LRRN3: variants seen among roughly 807,000 people sequenced by gnomAD.
LRRN3 encodes the protein leucine rich repeat neuronal 3, also known as leucine-rich repeat neuronal protein 3.
LRRN3 carries 15 observed loss-of-function variants against 40.1 expected under a neutral mutation model. The ratio of observed to expected loss-of-function variants is 0.37; its 90% CI spans 0.25 to 0.58. The LOEUF (loss-of-function observed/expected upper bound fraction) is 0.58. LRRN3 is among the 20% of genes least tolerant of loss of function. The pLI is 0.72. For missense variants in LRRN3, 746 were observed against 837.7 expected (o/e 0.89, Z 1.35); for synonymous variants, 308 against 297.2 (o/e 1.04, Z -0.37).
At chr7:111,118,728 A>T (rs1049042941) in intron 2 of LRRN3, among the ~76,000 whole-genome samples, 1 of 152,146 alleles carries the variant, frequency 6.6e-6, no homozygotes, top group Non-Finnish European at 1.5e-5. Context: ...TATTAATGAA[A>T]TATCATAATC....
chr7:111,093,604 A>G (rs1797091090), intron 1 of LRRN3, among the ~76,000 whole-genome samples: 1 of 152,148 alleles, frequency 6.6e-6, no homozygotes, highest in African/African-American at 2.4e-5. Flanking sequence ...CAGTGGATTC[A>G]CTCTTTAACC....
At chr7:111,102,792 T>C (rs1055066786) in intron 2 of LRRN3, among the ~76,000 whole-genome samples, 8 of 151,576 alleles carry the variant, frequency 5.3e-5, no homozygotes, top group Non-Finnish European at 1.2e-4. Context: ...TCCGAAACCA[T>C]TCTTCACTAA....
At chr7:111,111,388 T>A (rs186623655) in intron 2 of LRRN3, among the ~76,000 whole-genome samples, 1 of 150,402 alleles carries the variant, frequency 6.6e-6, no homozygotes, top group Non-Finnish European at 1.5e-5. Flanking sequence ...CATCACAAAT[T>A]ACACTGCTTT....
intron 1 of LRRN3, chr7:111,097,456 G>A (rs914979128): frequency 2.6e-5 from 4 of 151,820 alleles, no homozygotes; most frequent in Admixed American, 6.6e-5. Context: ...TAATGAAATA[G>A]AGGCAAATAT....
At chr7:111,110,111 G>A (rs1799027588) in intron 2 of LRRN3, among the ~76,000 whole-genome samples, 1 of 152,118 alleles carries the variant, frequency 6.6e-6, no homozygotes, top group African/African-American at 2.4e-5. Context: ...CTCCAGCCTA[G>A]GCAACACAGT....
Position 111,122,533 on chromosome 7 carries a change from A to C in LRRN3, c.-240A>C. The C allele has an allele frequency of 2.1e-6, 1 of 482,696 alleles. No individual in the cohort carries two copies. Among genetic ancestry groups the C allele is most frequent in the Non-Finnish European group, 3.7e-6 (1 of 273,218 alleles). The allele number at this position is 482,696 out of a possible 1,614,324, so 29.9% of individuals were successfully genotyped here. A position where few individuals can be genotyped will look rare whatever the true frequency, so the allele number is the denominator to read the frequency against. On this transcript the variant is annotated 5_prime_UTR_variant, in exon 3 of 3. Coordinates refer to ENST00000308478, the MANE Select transcript of LRRN3 (RefSeq NM_001099658.2). ...TATACATACTCCACCTTCAAAAAGT[A>C]CATCAATATTATATCATTAAGGAAA...
intron 2 of LRRN3, among the ~76,000 whole-genome samples, chr7:111,107,441 A>C (rs1798675655): frequency 6.6e-6 from 1 of 152,048 alleles, no homozygotes; most frequent in Non-Finnish European, 1.5e-5. Flanking sequence ...GTCTCTAAAA[A>C]GAAATTCTGG....
At chr7:111,103,822 C>T (rs1443916929) in intron 2 of LRRN3, among the ~76,000 whole-genome samples, 2 of 151,550 alleles carry the variant, frequency 1.3e-5, no homozygotes, top group Non-Finnish European at 3.0e-5. Context: ...TATCACTCAC[C>T]TTTCAGTAGA....
intron 2 of LRRN3, among the ~76,000 whole-genome samples, chr7:111,103,858 C>G (rs1236712777): frequency 6.6e-6 from 1 of 151,580 alleles, no homozygotes; most frequent in Non-Finnish European, 1.5e-5. Flanking sequence ...ATGGCAGCAG[C>G]ACAGAAAGAA....
rs1038694086 is a variant in LRRN3, at chr7:111,122,765, A to C, written c.-8A>C. On this transcript the variant is annotated 5_prime_UTR_variant, in exon 3 of 3. Coordinates refer to ENST00000308478, the MANE Select transcript of LRRN3 (RefSeq NM_001099658.2). ...GGGCCCATTACATTTCTGAAGAAGA[A>C]AGCTAAGATGAAGGACATGCCACTC... 2.5e-6 allele frequency: 4 copies of C among 1,604,692 alleles called. No homozygotes were observed. Among genetic ancestry groups the C allele is most frequent in the Non-Finnish European group, 3.4e-6 (4 of 1,175,162 alleles).
intron 1 of LRRN3, among the ~76,000 whole-genome samples, chr7:111,095,378 T>A (rs887511550): frequency 4.6e-5 from 7 of 151,806 alleles, no homozygotes; most frequent in African/African-American, 1.7e-4. Context: ...GCCTCCTTGG[T>A]CTTTCAAAAA....
chr7:111,095,645 A>T lies in LRRN3; in HGVS notation c.-441+4141A>T, dbSNP rs115619758. ...GCCCTGTTTTTAAAACATGTTAATA[A>T]TAATACTGCTATCCTTCACCTACAG... On this transcript the variant is annotated intron_variant, in intron 1 of 2. Transcript: ENST00000308478. 5.6e-3 allele frequency among the ~76,000 whole-genome samples: 854 copies of T among 152,114 alleles called. 14 individuals carry two copies. The highest frequency in any genetic ancestry group is 0.02 in the African/African-American group (820 of 41,546).
intron 2 of LRRN3, among the ~76,000 whole-genome samples, chr7:111,111,168 T>C (rs1277042118): frequency 2.0e-5 from 3 of 152,116 alleles, no homozygotes; most frequent in African/African-American, 4.8e-5. Flanking sequence ...TGCAAATTTA[T>C]AACCCTGTTT....
intron 1 of LRRN3, among the ~76,000 whole-genome samples, chr7:111,092,364 C>T (rs940033791): frequency 6.6e-6 from 1 of 152,150 alleles, no homozygotes; most frequent in Non-Finnish European, 1.5e-5. Flanking sequence ...GCTATATTCC[C>T]TTTGCTGTTG....
chr7:111,105,360 G>A (rs546576191), intron 2 of LRRN3, among the ~76,000 whole-genome samples: 2 of 151,932 alleles, frequency 1.3e-5, no homozygotes, highest in Non-Finnish European at 2.9e-5. Context: ...TGCATCCAAA[G>A]AATGGAATAC....
At position 111,124,959 on chromosome 7, in the gene LRRN3, G is replaced by A. The variant is rs536774492; in HGVS notation, c.*60G>A. The A allele has an allele frequency of 1.4e-5, 16 of 1,175,376 alleles. No individual in the cohort carries two copies. The South Asian group carries it at 2.5e-4, about 19-fold the overall frequency. The allele number at this position is 1,175,376 out of a possible 1,614,324, so 72.8% of individuals were successfully genotyped here. ...AAAAAAAAAAAAGCGAAAGACTGCA[G>A]TTGTGCTAAAAACAAAACAAAACAA... On this transcript the variant is annotated 3_prime_UTR_variant, in exon 3 of 3. Transcript: ENST00000308478.
Position 111,124,004 on chromosome 7 carries a change from A to G in LRRN3, c.1232A>G (p.His411Arg). Reference sequence around the variant, plus strand: ...CAAGGTCAGAATGTTCGGCAAGTGCATTTCAGGGACATGATGGAAATTTGT... The same window carrying G: ...CAAGGTCAGAATGTTCGGCAAGTGCGTTTCAGGGACATGATGGAAATTTGT... Reference protein sequence around the residue: ...EFQGQNVRQVHFRDMMEICLP... With the variant: ...EFQGQNVRQVRFRDMMEICLP... The change falls in exon 3 of 3, where the codon CAT (histidine) becomes CGT (arginine). Residue 411 changes from histidine (H) to arginine (R), a missense_variant. His to Arg is a conservative substitution (Grantham distance 29). Transcript: ENST00000308478. 2 of 1,614,088 alleles carry G rather than the reference A, an allele frequency of 1.2e-6. No homozygotes were observed. Among genetic ancestry groups the G allele is most frequent in the Non-Finnish European group, 8.5e-7 (1 of 1,179,986 alleles).
In LRRN3 at chr7:111,123,112, A is replaced by G; in HGVS notation, c.340A>G (p.Lys114Glu). ...TTCAGTCACCAATATTAATGTAAAA[A>G]AGATGCCTCAGCTCCTTTCTGTGTA... ...LSSVTNINVK[K>E]MPQLLSVYLE... Residue 114 changes from lysine (K) to glutamate (E), a missense_variant, in exon 3 of 3, where the codon AAG (lysine) becomes GAG (glutamate). Coordinates refer to ENST00000308478, the MANE Select transcript of LRRN3 (RefSeq NM_001099658.2). This position sits in a 1 kb window ranked among gnomAD's most constrained non-coding sequence, Gnocchi z 6.4. 6.2e-7 allele frequency: 1 copy of G among 1,613,768 alleles called. No individual in the cohort carries two copies. The highest frequency in any genetic ancestry group is 8.5e-7 in the Non-Finnish European group (1 of 1,179,894).
intron 2 of LRRN3, among the ~76,000 whole-genome samples, chr7:111,101,441 T>C (rs1797964745): frequency 6.6e-6 from 1 of 151,522 alleles, no homozygotes; most frequent in Non-Finnish European, 1.5e-5. Flanking sequence ...GAGTAACACC[T>C]AAGAATCCAT....
Sources: allele counts gnomAD v4.1 joint callset (sites outside exome capture counted in the v4.1 genomes callset), GRCh38; gene constraint gnomAD v4.1.1; non-coding constraint Gnocchi (gnomAD v3.1); transcripts MANE v1.5; gene names NCBI Gene and HGNC (gene_info 2026-07-23, HGNC 2026-07-21).